PTPN4: variants seen among roughly 807,000 people sequenced by gnomAD.
PTPN4 encodes protein tyrosine phosphatase non-receptor type 4, also known as tyrosine-protein phosphatase non-receptor type 4.
Under a neutral mutation model 135.5 loss-of-function variants are expected in PTPN4, and 49 were observed. That is an observed-to-expected ratio of 0.36 (90% CI 0.29 to 0.46). The LOEUF is 0.46. Among genes scored for constraint, PTPN4 ranks in the 20% least tolerant of loss-of-function variants. The pLI, the probability that PTPN4 is intolerant of heterozygous loss-of-function variation, is 1.00. For missense variants in PTPN4, 860 were observed against 1,101.0 expected (o/e 0.78, Z 3.10); for synonymous variants, 333 against 369.9 (o/e 0.90, Z 1.14).
intron 1 of PTPN4, among the ~76,000 whole-genome samples, chr2:119,774,997 A>G (rs987801458): frequency 1.9e-4 from 29 of 151,720 alleles, no homozygotes; most frequent in Non-Finnish European, 1.0e-4. Context: ...AGCCTGAGCA[A>G]CACAGCGAGA....
intron 23 of PTPN4, among the ~76,000 whole-genome samples, chr2:119,962,082 T>C (rs1446965128): frequency 9.9e-5 from 15 of 152,120 alleles, no homozygotes; most frequent in Admixed American, 9.8e-4. Flanking sequence ...TTTTAAAAAA[T>C]CTTAAGATTT....
intron 3 of PTPN4, among the ~76,000 whole-genome samples, chr2:119,869,243 C>T: frequency 6.6e-6 from 1 of 152,172 alleles, no homozygotes; most frequent in East Asian, 1.9e-4. Context: ...ATTTGGCAGA[C>T]TGATTGCAAA....
intron 2 of PTPN4, among the ~76,000 whole-genome samples, chr2:119,822,462 G>T (rs1002622189): frequency 2.0e-5 from 3 of 148,804 alleles, no homozygotes; most frequent in African/African-American, 7.4e-5. Context: ...GGGTTCAAGT[G>T]ATTCTCCTGC....
chr2:119,860,779 A>C (rs1677749547), intron 2 of PTPN4, among the ~76,000 whole-genome samples: 1 of 152,152 alleles, frequency 6.6e-6, no homozygotes, highest in Non-Finnish European at 1.5e-5. Flanking sequence ...GGTGGCTCAC[A>C]TCTGTAATCC....
chr2:119,885,925 CG>C, intron 9 of PTPN4, 43 bp downstream of exon 9: 2 of 1,329,364 alleles, frequency 1.5e-6, no homozygotes, highest in Non-Finnish European at 2.1e-6. Context: ...AGTTAGGCTC[CG>C]TTACTCAATA....
chr2:119,799,984 A>G (rs927275899), intron 1 of PTPN4, among the ~76,000 whole-genome samples: 2 of 152,206 alleles, frequency 1.3e-5, no homozygotes, highest in South Asian at 2.1e-4. Flanking sequence ...CTTAAGTTAC[A>G]TATAGAAGAT....
rs1679729225 is a variant in PTPN4 at position 119,983,957 on chromosome 2, GTAAGTT to G, written c.*6892_*6897del. ...CTAGGGTGAAGTAGATGCTGCACAA[GTAAGTT>G]TAAGGGAATAAAAGTCCCGACACTT... is the stretch of plus-strand genomic sequence containing the variant. On this transcript the variant is annotated 3_prime_UTR_variant, in exon 27 of 27. Coordinates refer to ENST00000263708, the MANE Select transcript of PTPN4 (RefSeq NM_002830.4). 1 of 152,132 alleles carries G rather than the reference GTAAGTT, an allele frequency of 6.6e-6. No individual in the cohort carries two copies. The highest frequency in any genetic ancestry group is 6.5e-5 in the Admixed American group (1 of 15,268). 9.4% of individuals were successfully genotyped at this position (152,132 alleles called of 1,614,324 possible).
chr2:119,918,658 G>C (rs1409895117), intron 11 of PTPN4, among the ~76,000 whole-genome samples: 1 of 151,986 alleles, frequency 6.6e-6, no homozygotes, highest in African/African-American at 2.4e-5. Flanking sequence ...CTGGTGGGAG[G>C]GATTGTATAT....
At chr2:119,811,999 C>G (rs1676890453) in intron 2 of PTPN4, among the ~76,000 whole-genome samples, 1 of 152,000 alleles carries the variant, frequency 6.6e-6, no homozygotes, top group Non-Finnish European at 1.5e-5. Flanking sequence ...GTGCTAGAAA[C>G]TTTCTCTACC....
chr2:119,852,460 G>A (rs1387244386), intron 2 of PTPN4, among the ~76,000 whole-genome samples: 1 of 152,206 alleles, frequency 6.6e-6, no homozygotes, highest in Non-Finnish European at 1.5e-5. Flanking sequence ...CTGTTTAGGT[G>A]CGGGTTTCTT....
chr2:119,955,662 G>A (rs570219016), intron 20 of PTPN4, among the ~76,000 whole-genome samples: 3 of 152,260 alleles, frequency 2.0e-5, no homozygotes, highest in Admixed American at 1.3e-4. Context: ...GCTTGGCCAG[G>A]TGTGGTGGCT....
At chr2:119,828,151 G>C (rs1677171609) in intron 2 of PTPN4, among the ~76,000 whole-genome samples, 1 of 152,204 alleles carries the variant, frequency 6.6e-6, no homozygotes, top group Non-Finnish European at 1.5e-5. Context: ...GAAGCCATAT[G>C]TCAGTGCTCT....
chr2:119,806,559 G>C (rs1490373909), intron 1 of PTPN4, among the ~76,000 whole-genome samples: 1 of 152,128 alleles, frequency 6.6e-6, no homozygotes, highest in South Asian at 2.1e-4. Flanking sequence ...CAATACAGGA[G>C]CACCGAGATT....
intron 1 of PTPN4, among the ~76,000 whole-genome samples, chr2:119,778,351 T>A (rs1211244913): frequency 1.3e-5 from 2 of 152,192 alleles, no homozygotes; most frequent in African/African-American, 4.8e-5. Flanking sequence ...TTAATTAATA[T>A]ACGTCTGTTT....
chr2:119,891,528 T>C (rs938688593), intron 9 of PTPN4, among the ~76,000 whole-genome samples: 7 of 152,176 alleles, frequency 4.6e-5, no homozygotes, highest in African/African-American at 1.7e-4. Context: ...TTTCACCACG[T>C]TGGACAGGCT....
Position 119,967,965 on chromosome 2 carries a change from A to G in PTPN4, c.2687A>G (p.Gln896Arg). ...AGAGATCAGCGAGCCATGATGATCC[A>G]AACACCTGTGAGTACTGTACTTTAT... ...TMRDQRAMMI[Q>R]TPSQYRFVCE... Residue 896 changes from glutamine to arginine, a missense_variant, in exon 26 of 27, where the codon CAA (glutamine) becomes CGA (arginine). This residue lies in a region of PTPN4 where 176 missense variants were observed against 294.1 expected (regional missense o/e 0.60). Transcript: ENST00000263708. 1 of 1,601,058 alleles carries G rather than the reference A, an allele frequency of 6.2e-7. No homozygotes were observed.
At chr2:119,938,601 A>G (rs1558769536) in intron 15 of PTPN4, among the ~76,000 whole-genome samples, 1 of 152,168 alleles carries the variant, frequency 6.6e-6, no homozygotes, top group Non-Finnish European at 1.5e-5. Flanking sequence ...CCTGATATTT[A>G]CTAATCTTGC....
At chr2:119,923,347 G>C (rs1289792250) in intron 12 of PTPN4, among the ~76,000 whole-genome samples, 1 of 152,170 alleles carries the variant, frequency 6.6e-6, no homozygotes, top group East Asian at 1.9e-4. Context: ...ACTTCAGCCT[G>C]GGTGACAGAG....
At chr2:119,793,197 C>T (rs1015551050) in intron 1 of PTPN4, among the ~76,000 whole-genome samples, 1 of 152,192 alleles carries the variant, frequency 6.6e-6, no homozygotes, top group Admixed American at 6.5e-5. Context: ...GCTCCCAGAG[C>T]GGCCATTTTA....
Sources: gnomAD v4.1 joint callset for allele counts (sites outside exome capture counted in the v4.1 genomes callset) on GRCh38, gnomAD v4.1.1 for gene constraint, gnomAD v4.1.1 regional missense constraint, MANE v1.5 for transcripts, NCBI Gene and HGNC (gene_info 2026-07-23, HGNC 2026-07-21) for gene names.